SIGLECL1: variants seen among roughly 807,000 people sequenced by gnomAD.
SIGLECL1 encodes SIGLEC family like 1, also known as SIGLEC family-like protein 1.
A neutral mutation model predicts 19.1 loss-of-function variants in SIGLECL1; 16 were observed. The observed-to-expected ratio is 0.84, with a 90% CI of 0.57 to 1.27. The LOEUF (loss-of-function observed/expected upper bound fraction) is 1.27. Among genes scored for constraint, SIGLECL1 ranks in the 50% most tolerant of loss-of-function variants. SIGLECL1 has a pLI of 0.00. For synonymous variants in SIGLECL1, 89 were observed against 90.4 expected (o/e 0.98, Z 0.09); for missense variants, 210 against 239.4 (o/e 0.88, Z 0.81).
chr19:51,266,837 T>A (rs1599802443), intron 4 of SIGLECL1, among the ~76,000 whole-genome samples: 1 of 152,150 alleles, frequency 6.6e-6, no homozygotes, highest in South Asian at 2.1e-4. Flanking sequence ...GAATCCTCAT[T>A]TCGGAGCCAT....
At chr19:51,246,790 G>A (rs1165363169), upstream of SIGLECL1, among the ~76,000 whole-genome samples, 2 of 152,078 alleles carry the variant, frequency 1.3e-5, no homozygotes, top group Non-Finnish European at 2.9e-5. Flanking sequence ...CAAGTTTATT[G>A]GGGGTCTGAA....
intron 2 of SIGLECL1, chr19:51,264,544 T>A (rs1178138042): frequency 6.5e-6 from 1 of 153,560 alleles, no homozygotes; most frequent in Non-Finnish European, 1.4e-5. Flanking sequence ...AGCTACTGGT[T>A]AGGGGAAAAT....
chr19:51,247,356 A>G (rs991409109), upstream of SIGLECL1, among the ~76,000 whole-genome samples: 5 of 152,342 alleles, frequency 3.3e-5, no homozygotes, highest in African/African-American at 1.2e-4. Flanking sequence ...ATTCACATAG[A>G]TACTTGAACA....
intron 1 of SIGLECL1, among the ~76,000 whole-genome samples, chr19:51,255,152 C>T (rs1982724762): frequency 6.6e-6 from 1 of 151,570 alleles, no homozygotes; most frequent in South Asian, 2.1e-4. Context: ...CCCAGCTACT[C>T]AGGAGGCTGA....
chr19:51,258,066 A>G (rs1049511636), intron 1 of SIGLECL1, among the ~76,000 whole-genome samples: 3 of 152,198 alleles, frequency 2.0e-5, no homozygotes, highest in Middle Eastern at 6.3e-3. Flanking sequence ...TTTAATCTCT[A>G]TCCTTTAGTT....
chr19:51,258,931 G>A lies in SIGLECL1; in HGVS notation c.-190-4952G>A, dbSNP rs111895370. Among the ~76,000 whole-genome samples, 388 of 152,264 alleles carry A rather than the reference G, an allele frequency of 2.5e-3. 1 individual carries two copies. The highest frequency in any genetic ancestry group is 8.9e-3 in the African/African-American group (370 of 41,534). ...ACCCTAGTTTGGAGGAATTTTAGAA[G>A]CCAGAAGGCAAACATGACAATGGGA... On this transcript the variant is annotated intron_variant, in intron 1 of 5. Transcript: ENST00000601727.
At chr19:51,266,665 G>A (rs1983698009) in intron 4 of SIGLECL1, among the ~76,000 whole-genome samples, 1 of 152,164 alleles carries the variant, frequency 6.6e-6, no homozygotes, top group South Asian at 2.1e-4. Context: ...AGAGTACCAG[G>A]TAATGGCTAA....
At chr19:51,253,101 C>T (rs1301081264) in intron 1 of SIGLECL1, among the ~76,000 whole-genome samples, 3 of 115,460 alleles carry the variant, frequency 2.6e-5, no homozygotes, top group African/African-American at 3.7e-5. Context: ...CACTCCAGAC[C>T]CTGTGTTAAA....
upstream of SIGLECL1, among the ~76,000 whole-genome samples, chr19:51,250,440 C>T (rs1982418610): frequency 6.6e-6 from 1 of 152,136 alleles, no homozygotes; most frequent in South Asian, 2.1e-4. Context: ...TGACCTGTAT[C>T]TTGTGCTGAC....
rs1248432104 is a variant in SIGLECL1, at chr19:51,268,976, TA to T, written c.*380del. On this transcript the variant is annotated 3_prime_UTR_variant, in exon 6 of 6. Transcript: ENST00000601727. ...TGTGTGTCAGTGCCTGAGATACACC[TA>T]CAAGAGCGCCAGGCTTTCAAGCCTT... The T allele has an allele frequency of 5.3e-6, 1 of 188,826 alleles. No homozygotes were observed. The highest frequency in any genetic ancestry group is 2.4e-5 in the African/African-American group (1 of 42,134). The allele number at this position is 188,826 out of a possible 1,614,324, so 11.7% of individuals were successfully genotyped here.
chr19:51,264,289 T>C (rs1014391726), intron 2 of SIGLECL1, 195 bp downstream of exon 2: 4 of 571,276 alleles, frequency 7.0e-6, no homozygotes, highest in African/African-American at 3.9e-5. Context: ...CTGAAGCAAA[T>C]AGCAAATTGG....
At chr19:51,252,023 C>T (rs1040649979) in intron 1 of SIGLECL1, among the ~76,000 whole-genome samples, 20 of 152,124 alleles carry the variant, frequency 1.3e-4, no homozygotes, top group African/African-American at 4.6e-4. Flanking sequence ...ATAGGCTGGG[C>T]GCAGTGGCTC....
intron 1 of SIGLECL1, among the ~76,000 whole-genome samples, chr19:51,256,740 T>C (rs1398992324): frequency 6.6e-6 from 1 of 152,222 alleles, no homozygotes; most frequent in East Asian, 1.9e-4. Context: ...CATTCCACAG[T>C]GCATACATAC....
intron 1 of SIGLECL1, among the ~76,000 whole-genome samples, chr19:51,261,311 C>T (rs181897901): frequency 3.8e-4 from 58 of 151,830 alleles, no homozygotes; most frequent in Non-Finnish European, 2.6e-4. Flanking sequence ...TTTTTTGAGA[C>T]GGAGTCTTGC....
At chr19:51,253,809 G>T (rs1296537175) in intron 1 of SIGLECL1, among the ~76,000 whole-genome samples, 1 of 152,202 alleles carries the variant, frequency 6.6e-6, no homozygotes, top group South Asian at 2.1e-4. Context: ...ATCTATGAAC[G>T]TAACGGCTGC....
At chr19:51,255,937 T>C (rs1335953324) in intron 1 of SIGLECL1, 25 of 152,176 alleles carry the variant, frequency 1.6e-4, no homozygotes, top group Admixed American at 1.6e-3. Flanking sequence ...CTTCTAGGCA[T>C]GTATTTGACA....
At chr19:51,251,570 C>CA (rs1982485222) in intron 1 of SIGLECL1, 25 bp downstream of exon 1, 1 of 152,758 alleles carries the variant, frequency 6.5e-6, no homozygotes, top group Non-Finnish European at 1.5e-5. Context: ...CGTGGGTTCA[C>CA]AATCAGGTCA....
intron 1 of SIGLECL1, among the ~76,000 whole-genome samples, chr19:51,255,326 C>T (rs1304849156): frequency 1.3e-5 from 2 of 150,672 alleles, no homozygotes; most frequent in Non-Finnish European, 2.9e-5. Context: ...AAGAAAACAT[C>T]GGAGAAAACT....
chr19:51,256,964 T>C (rs1468959975), intron 1 of SIGLECL1, among the ~76,000 whole-genome samples: 2 of 152,166 alleles, frequency 1.3e-5, no homozygotes, highest in African/African-American at 4.8e-5. Context: ...TATATATGAA[T>C]ATGTAGATAC....
Sources: allele counts gnomAD v4.1 joint callset (sites outside exome capture counted in the v4.1 genomes callset), GRCh38; gene constraint gnomAD v4.1.1; transcripts MANE v1.5; gene names NCBI Gene and HGNC (gene_info 2026-07-23, HGNC 2026-07-21).